The following HLTF variants were observed in gnomAD, a reference collection of about 807,000 sequenced individuals.
HLTF encodes the protein helicase like transcription factor.
HLTF carries 127 observed loss-of-function variants against 129.4 expected under a neutral mutation model. The observed-to-expected ratio is 0.98, with a 90% CI of 0.85 to 1.14. The LOEUF is 1.14. Among genes scored for constraint, HLTF ranks in the 50% most tolerant of loss-of-function variants. The pLI is 0.00. For missense variants in HLTF, 1,139 were observed against 1,187.1 expected, an observed-to-expected ratio of 0.96 and a Z score of 0.60; for synonymous variants, 332 against 388.8, an observed-to-expected ratio of 0.85 and a Z score of 1.72.
At chr3:149,032,662 G>A (rs745922433) in intron 24 of HLTF, among the ~76,000 whole-genome samples, 9 of 152,092 alleles carry the variant, frequency 5.9e-5, no homozygotes, top group Non-Finnish European at 1.3e-4. Flanking sequence ...CTTCAGCATT[G>A]TATTAAAAAG....
At chr3:149,071,204 T>C in intron 7 of HLTF, 48 bp downstream of exon 7, 1 of 1,224,614 alleles carries the variant, frequency 8.2e-7, no homozygotes, top group Non-Finnish European at 1.1e-6. Flanking sequence ...TTCTAGAAAA[T>C]CATAATCACA....
chr3:149,052,165 A>T (rs1717054425), intron 14 of HLTF: 2 of 152,008 alleles, frequency 1.3e-5, no homozygotes, highest in Admixed American at 6.6e-5. Flanking sequence ...AAAAAAAAAA[A>T]AAAAAATCAA....
chr3:149,072,763 G>T (rs1718986078), intron 5 of HLTF, among the ~76,000 whole-genome samples: 1 of 152,154 alleles, frequency 6.6e-6, no homozygotes, highest in Non-Finnish European at 1.5e-5. Flanking sequence ...TTTTTAAATT[G>T]ATCTGCATTA....
rs989694880 is a variant in HLTF, at chr3:149,031,491, T to G, written c.*729A>C. The G allele has an allele frequency of 3.3e-5, 5 of 152,620 alleles. No individual in the cohort carries two copies. The highest frequency in any genetic ancestry group is 5.9e-5 in the Non-Finnish European group (4 of 68,020). 9.5% of individuals were successfully genotyped at this position (152,620 alleles called of 1,614,324 possible). A position where few individuals can be genotyped will look rare whatever the true frequency, so the allele number is the denominator to read the frequency against. ...TTCAAATCAAATTGGGTAGGACTGG[T>G]TTGCCTCTCACTCCCACAGACTATA... On this transcript the variant is annotated 3_prime_UTR_variant, in exon 25 of 25. Transcript: ENST00000310053.
chr3:149,062,103 G>A (rs1718003734), intron 10 of HLTF, among the ~76,000 whole-genome samples: 1 of 152,056 alleles, frequency 6.6e-6, no homozygotes, highest in African/African-American at 2.4e-5. Context: ...TTCAATGCCT[G>A]TTTCCTCATA....
At chr3:149,032,876 T>G (rs1341900958) in intron 24 of HLTF, among the ~76,000 whole-genome samples, 1 of 146,344 alleles carries the variant, frequency 6.8e-6, no homozygotes, top group Non-Finnish European at 1.5e-5. Flanking sequence ...GGCAGGAGAA[T>G]GGTGTGAACC....
rs1377038378 is a variant in HLTF, at chr3:149,061,304, G to A, written c.1161-446C>T. Among the ~76,000 whole-genome samples, 15 of 151,676 alleles carry A rather than the reference G, an allele frequency of 9.9e-5. No homozygotes were observed. In the East Asian group the frequency reaches 2.3e-3, roughly 24 times the overall value. ...TGGGTGCCTGTAGTCCCAGCTACTCGGGAGGCTGAGGCAGGAGAATGACGT... is the reference window on the plus strand; with the variant it reads ...TGGGTGCCTGTAGTCCCAGCTACTCAGGAGGCTGAGGCAGGAGAATGACGT... On this transcript the variant is annotated intron_variant, in intron 10 of 24. Coordinates refer to ENST00000310053, the MANE Select transcript of HLTF (RefSeq NM_003071.4).
intron 13 of HLTF, among the ~76,000 whole-genome samples, chr3:149,059,026 T>A (rs1717705461): frequency 6.6e-6 from 1 of 152,220 alleles, no homozygotes; most frequent in Non-Finnish European, 1.5e-5. Flanking sequence ...TGAGTCTATG[T>A]TAGCTTCATA....
rs1460773293 is a variant in HLTF, at chr3:149,046,114, A to G, written c.2038T>C (p.Ser680Pro). ...GTGGCTCTGCCTTCATTTTTCACAG[A>G]CTGATAAATCTTTCTCTCTTCATCT... ...LSDEERKIYQ[S>P]VKNEGRATIG... The change falls in exon 18 of 25, where the codon TCT becomes CCT. Residue 680 changes from serine to proline, a missense_variant. Coordinates refer to ENST00000310053, the MANE Select transcript of HLTF (RefSeq NM_003071.4). 6.2e-7 allele frequency: 1 copy of G among 1,610,402 alleles called. No individual in the cohort carries two copies. The highest frequency in any genetic ancestry group is 1.7e-5 in the Admixed American group (1 of 59,296).
In HLTF at chr3:149,039,146, GTGTT is replaced by G; in HGVS notation, c.2695_2698del (p.Asn899LeufsTer8). 6.2e-7 allele frequency: 1 copy of G among 1,612,494 alleles called. No homozygotes were observed. The highest frequency in any genetic ancestry group is 8.5e-7 in the Non-Finnish European group (1 of 1,179,318). ...CATTATAGTTGGAGATCCTGCTTCAGTGTTTTGAAAACACTGAATTGATTCAACT... is the reference window on the plus strand; with the variant it reads ...CATTATAGTTGGAGATCCTGCTTCAGTTGAAAACACTGAATTGATTCAACT... On this transcript the variant is annotated frameshift_variant, in exon 23 of 25. Transcript: ENST00000310053. LOFTEE classifies it high-confidence loss of function.
Position 149,039,051 on chromosome 3 carries a change from G to T in HLTF, c.2794C>A (p.Pro932Thr). The T allele has an allele frequency of 6.5e-7, 1 of 1,530,490 alleles. No homozygotes were observed. The highest frequency in any genetic ancestry group is 8.8e-7 in the Non-Finnish European group (1 of 1,140,494). 94.8% of individuals were successfully genotyped at this position (1,530,490 alleles called of 1,614,324 possible). ...SAASRVFLMD[P>T]AWNPAAEDQC... ...AAAAAATTTACAGAACTACTTACTG[G>T]ATCCATTAAAAACACTCGAGAAGCT... The change falls in exon 23 of 25, where the codon CCA becomes ACA. Residue 932 changes from proline to threonine, a missense_variant and splice_region_variant. Transcript: ENST00000310053.
chr3:149,044,334 T>G (rs1475323333), intron 18 of HLTF, among the ~76,000 whole-genome samples: 1 of 152,186 alleles, frequency 6.6e-6, no homozygotes, highest in Non-Finnish European at 1.5e-5. Flanking sequence ...TTTTCAACTT[T>G]TTCAAATAGA....
At chr3:149,082,255 C>G (rs913292161) in intron 2 of HLTF, among the ~76,000 whole-genome samples, 1 of 151,996 alleles carries the variant, frequency 6.6e-6, no homozygotes, top group Non-Finnish European at 1.5e-5. Flanking sequence ...TCAGGAGATA[C>G]AGACCATCCT....
intron 4 of HLTF, 38 bp from the exon 5 acceptor site, chr3:149,073,360 TA>T: frequency 7.1e-7 from 1 of 1,409,290 alleles, no homozygotes; most frequent in Non-Finnish European, 1.0e-6. Flanking sequence ...AGCCATCAAA[TA>T]AAGTAGGTTT....
At chr3:149,079,930 T>G (rs1719731728) in intron 2 of HLTF, among the ~76,000 whole-genome samples, 4 of 152,176 alleles carry the variant, frequency 2.6e-5, no homozygotes, top group Admixed American at 2.6e-4. Context: ...AAGTTGGCAC[T>G]AATCCAAACT....
chr3:149,073,607 C>G (rs1327127615), intron 4 of HLTF, among the ~76,000 whole-genome samples: 1 of 152,102 alleles, frequency 6.6e-6, no homozygotes, highest in Non-Finnish European at 1.5e-5. Context: ...GGTGGAAGGA[C>G]TGCTGGAGCC....
intron 13 of HLTF, 102 bp downstream of exon 13, chr3:149,059,616 T>C: frequency 2.9e-6 from 2 of 685,802 alleles, no homozygotes; most frequent in Non-Finnish European, 5.0e-6. Flanking sequence ...GTCTCTATTT[T>C]CTAAACTTCT....
At chr3:149,054,595 C>T (rs1049698131) in intron 14 of HLTF, among the ~76,000 whole-genome samples, 6 of 152,042 alleles carry the variant, frequency 3.9e-5, no homozygotes, top group African/African-American at 1.4e-4. Context: ...AAGTTTGAAG[C>T]TCAAACTAGG....
Position 149,039,088 on chromosome 3 carries a change from C to T in HLTF, c.2757G>A (p.Leu919=). ...LLSLKAGGVG[L]NLSAASRVFL... ...ACACTCGAGAAGCTGCAGACAGATTCAAACCAACTCCACCTGCTTTTAAGG... is the reference window on the plus strand; with the variant it reads ...ACACTCGAGAAGCTGCAGACAGATTTAAACCAACTCCACCTGCTTTTAAGG... Residue 919 remains leucine, a synonymous_variant, in exon 23 of 25, where the codon TTG becomes TTA. Coordinates refer to ENST00000310053, the MANE Select transcript of HLTF (RefSeq NM_003071.4). The T allele has an allele frequency of 6.2e-7, 1 of 1,608,640 alleles. No homozygotes were observed. The highest frequency in any genetic ancestry group is 8.5e-7 in the Non-Finnish European group (1 of 1,178,130).
Sources: allele counts gnomAD v4.1 joint callset (sites outside exome capture counted in the v4.1 genomes callset), GRCh38; gene constraint gnomAD v4.1.1; transcripts MANE v1.5; gene names NCBI Gene and HGNC (gene_info 2026-07-23, HGNC 2026-07-21).